LRRFIP2: variants seen among roughly 807,000 people sequenced by gnomAD.
LRRFIP2 encodes the protein LRR binding FLII interacting protein 2.
Under a neutral mutation model 125.9 loss-of-function variants are expected in LRRFIP2, and 109 were observed. The observed-to-expected ratio is 0.87, with a 90% CI of 0.74 to 1.01. The LOEUF is 1.01. LRRFIP2 is among the 50% of genes least tolerant of loss of function. The pLI is 0.00. For synonymous variants in LRRFIP2, 291 were observed against 293.1 expected (o/e 0.99, Z 0.07); for missense variants, 850 against 862.3 (o/e 0.99, Z 0.18).
chr3:37,155,680 T>C (rs1473470623), intron 1 of LRRFIP2, among the ~76,000 whole-genome samples: 1 of 152,138 alleles, frequency 6.6e-6, no homozygotes, highest in Non-Finnish European at 1.5e-5. Flanking sequence ...TATGTAAATT[T>C]TACCTCAAAA....
At chr3:37,105,424 T>C (rs1412339907) in intron 14 of LRRFIP2, 31 bp downstream of exon 14, 1 of 1,592,928 alleles carries the variant, frequency 6.3e-7, no homozygotes, top group Non-Finnish European at 8.6e-7. Flanking sequence ...TTAAAACTCA[T>C]CTTATTTCTT....
intron 2 of LRRFIP2, among the ~76,000 whole-genome samples, chr3:37,146,718 A>G (rs780148780): frequency 2.6e-5 from 4 of 152,214 alleles, no homozygotes; most frequent in Non-Finnish European, 5.9e-5. Flanking sequence ...TCTATCACTG[A>G]TGGGCATTTG....
At chr3:37,062,717 G>A (rs2089127174) in intron 24 of LRRFIP2, among the ~76,000 whole-genome samples, 1 of 152,120 alleles carries the variant, frequency 6.6e-6, no homozygotes, top group African/African-American at 2.4e-5. Context: ...TGGCAACTCA[G>A]GATTCTCTAC....
chr3:37,135,361 A>T (rs1050387653), intron 2 of LRRFIP2, among the ~76,000 whole-genome samples: 2 of 151,386 alleles, frequency 1.3e-5, no homozygotes, highest in African/African-American at 4.9e-5. Flanking sequence ...CGCGAGCCTG[A>T]GGCAGGGGAA....
chr3:37,120,504 G>T (rs1233026618), intron 6 of LRRFIP2, among the ~76,000 whole-genome samples: 1 of 151,738 alleles, frequency 6.6e-6, no homozygotes, highest in Non-Finnish European at 1.5e-5. Flanking sequence ...CATTCACCAA[G>T]AAAAATAACC....
intron 1 of LRRFIP2, among the ~76,000 whole-genome samples, chr3:37,162,047 G>C (rs2096359770): frequency 6.6e-6 from 1 of 150,842 alleles, no homozygotes; most frequent in South Asian, 2.1e-4. Context: ...AGCTAGGCGT[G>C]GTGGGGACTG....
chr3:37,135,830 C>A (rs1470921001), intron 2 of LRRFIP2, among the ~76,000 whole-genome samples: 1 of 152,090 alleles, frequency 6.6e-6, no homozygotes, highest in African/African-American at 2.4e-5. Flanking sequence ...AAATTAGAAC[C>A]CTCATATATT....
chr3:37,091,534 A>G lies in LRRFIP2; in HGVS notation c.1040T>C (p.Ile347Thr). The change falls in exon 18 of 28, where the codon ATC becomes ACC. Residue 347 changes from isoleucine to threonine, a missense_variant. Transcript: ENST00000336686. ...CTGTATCTGGTCCTTAAGGTCATAG[A>G]TATCCTGCAGGACATAGGAATGAAC... Reference protein sequence around the residue: ...PDTSLSELRDIYDLKDQIQDV... With the variant: ...PDTSLSELRDTYDLKDQIQDV... 6.2e-7 allele frequency: 1 copy of G among 1,608,338 alleles called. No individual in the cohort carries two copies. Among genetic ancestry groups the G allele is most frequent in the East Asian group, 2.2e-5 (1 of 44,646 alleles).
chr3:37,153,122 G>A (rs751949128), intron 1 of LRRFIP2, among the ~76,000 whole-genome samples: 20 of 152,076 alleles, frequency 1.3e-4, no homozygotes, highest in Admixed American at 3.9e-4. Flanking sequence ...AAAACCAGGC[G>A]TGGTGGCTCA....
chr3:37,106,807 G>C (rs978641282), intron 13 of LRRFIP2, among the ~76,000 whole-genome samples: 13 of 152,094 alleles, frequency 8.5e-5, no homozygotes, highest in African/African-American at 3.1e-4. Context: ...ATTTACCCAT[G>C]TAAGTACACA....
chr3:37,066,807 T>C (rs2090260376), intron 21 of LRRFIP2: 1 of 154,204 alleles, frequency 6.5e-6, no homozygotes, highest in Non-Finnish European at 1.4e-5. Context: ...TACATAGGTA[T>C]TTTAATTTAA....
At chr3:37,156,755 T>C (rs1483056218) in intron 1 of LRRFIP2, among the ~76,000 whole-genome samples, 1 of 138,336 alleles carries the variant, frequency 7.2e-6, no homozygotes, top group Non-Finnish European at 1.5e-5. Context: ...GAATTGCAAT[T>C]AAAAATCTAG....
chr3:37,126,219 G>A (rs1235504752), intron 4 of LRRFIP2, among the ~76,000 whole-genome samples: 4 of 152,020 alleles, frequency 2.6e-5, no homozygotes, highest in African/African-American at 9.7e-5. Context: ...TGGTAGAGAC[G>A]GGGTTTCACC....
At chr3:37,097,135 A>G (rs544142447) in intron 15 of LRRFIP2, among the ~76,000 whole-genome samples, 3 of 151,866 alleles carry the variant, frequency 2.0e-5, no homozygotes, top group East Asian at 3.9e-4. Flanking sequence ...TAAATATGTC[A>G]CCAAAATATT....
Position 37,165,859 on chromosome 3 carries a change from G to A in LRRFIP2, c.-56+8680C>T, listed in dbSNP as rs56163863. On this transcript the variant is annotated intron_variant, in intron 1 of 27. Transcript: ENST00000336686. ...AAAGAAAGAAAGAAAGAAAGAAAGAGAAAGAAAGAAAGAAGAAAAAACTCA... is the reference window on the plus strand; with the variant it reads ...AAAGAAAGAAAGAAAGAAAGAAAGAAAAAGAAAGAAAGAAGAAAAAACTCA... 7.6e-3 allele frequency among the ~76,000 whole-genome samples: 1,083 copies of A among 142,700 alleles called. 16 individuals carry two copies. The highest frequency in any genetic ancestry group is 0.027 in the African/African-American group (1,027 of 38,106). 93.6% of individuals were successfully genotyped at this position (142,700 alleles called of 152,430 possible). A position where few individuals can be genotyped will look rare whatever the true frequency, so the allele number is the denominator to read the frequency against.
rs75469177 is a variant in LRRFIP2, at chr3:37,119,742, C to A, written c.330+1750G>T. 2.5e-3 allele frequency among the ~76,000 whole-genome samples: 374 copies of A among 152,298 alleles called. 11 individuals are homozygous for A. In the East Asian group the frequency reaches 0.065, roughly 26 times the overall value. ...GTGGCACGATCTCAGCTCACTGCAA[C>A]CTCCGCCCACGGATCCAACTGATTC... On this transcript the variant is annotated intron_variant, in intron 6 of 27. Transcript: ENST00000336686.
chr3:37,152,595 C>T (rs1425733871), intron 1 of LRRFIP2, among the ~76,000 whole-genome samples: 1 of 152,146 alleles, frequency 6.6e-6, no homozygotes, highest in Non-Finnish European at 1.5e-5. Flanking sequence ...ATGTGTGTGC[C>T]ACCATACCTG....
chr3:37,105,937 T>G (rs1576666413), intron 13 of LRRFIP2, among the ~76,000 whole-genome samples: 1 of 151,938 alleles, frequency 6.6e-6, no homozygotes, highest in South Asian at 2.1e-4. Context: ...TGGTGGCGGG[T>G]GCCTGTAATA....
intron 6 of LRRFIP2, 138 bp downstream of exon 6, chr3:37,121,354 G>A: frequency 1.4e-6 from 1 of 722,044 alleles, no homozygotes; most frequent in Non-Finnish European, 2.3e-6. Flanking sequence ...ATTTTCCAAT[G>A]AAAGGTCTTT....
Sources: allele counts gnomAD v4.1 joint callset (sites outside exome capture counted in the v4.1 genomes callset), GRCh38; gene constraint gnomAD v4.1.1; transcripts MANE v1.5; gene names NCBI Gene and HGNC (gene_info 2026-07-23, HGNC 2026-07-21).